Variants in MYO7A observed in about 807,000 individuals in gnomAD.
The protein encoded by MYO7A is unconventional myosin-VIIa.
In MYO7A, 210 loss-of-function variants were observed where a neutral mutation model predicts 263.8. That is an observed-to-expected ratio of 0.80 (90% CI 0.71 to 0.89). MYO7A has a LOEUF of 0.89. Ranked by LOEUF, MYO7A falls within the 40% of genes least tolerant of loss-of-function variation. MYO7A has a pLI of 0.00. For synonymous variants in MYO7A, 1,239 were observed against 1,197.3 expected, an observed-to-expected ratio of 1.03 and a Z score of -0.72; for missense variants, 2,820 against 2,968.3, an observed-to-expected ratio of 0.95 and a Z score of 1.16.
At chr11:77,150,957 G>A (rs1347471129) in intron 4 of MYO7A, among the ~76,000 whole-genome samples, 14 of 152,160 alleles carry the variant, frequency 9.2e-5, no homozygotes, top group African/African-American at 3.1e-4. Context: ...CATGGATTGG[G>A]TTACCCTGGG....
At chr11:77,210,525 G>A (rs1957794030) in intron 44 of MYO7A, among the ~76,000 whole-genome samples, 2 of 152,194 alleles carry the variant, frequency 1.3e-5, no homozygotes, top group Non-Finnish European at 2.9e-5. Flanking sequence ...TCAGATCTCT[G>A]ACTGACAATG....
At position 77,156,945 on chromosome 11, in the gene MYO7A, G is replaced by A. The variant is rs201753022; in HGVS notation, c.676G>A (p.Ala226Thr). 454 of 1,613,978 alleles carry A rather than the reference G, an allele frequency of 2.8e-4. No homozygotes were observed. The highest frequency in any genetic ancestry group is 1.1e-3 in the African/African-American group (83 of 75,074). Residue 226 changes from alanine (A) to threonine (T), a missense_variant, in exon 7 of 49, where the codon GCC becomes ACC. Coordinates refer to ENST00000409709, the MANE Select transcript of MYO7A (RefSeq NM_000260.4). Reference sequence around the variant, plus strand: ...CGACATCCACTTCAACAAGCGGGGCGCCATCGAGGGCGCGAAGATTGAGCA... The same window carrying A: ...CGACATCCACTTCAACAAGCGGGGCACCATCGAGGGCGCGAAGATTGAGCA... ...YIDIHFNKRG[A>T]IEGAKIEQYL...
At chr11:77,179,198 G>T in intron 20 of MYO7A, 69 bp downstream of exon 20, 1 of 1,360,434 alleles carries the variant, frequency 7.4e-7, no homozygotes, top group South Asian at 1.3e-5. Context: ...CATGGCAGTG[G>T]GACTGGCCTG....
intron 30 of MYO7A, among the ~76,000 whole-genome samples, chr11:77,191,467 G>T (rs1375456070): frequency 6.6e-6 from 1 of 152,224 alleles, no homozygotes; most frequent in Non-Finnish European, 1.5e-5. Flanking sequence ...TGATGGGAGG[G>T]CTGCGCAGCC....
rs757971917 is a variant in MYO7A, at chr11:77,199,613, C to G, written c.4647C>G (p.Thr1549=). 6.2e-7 allele frequency: 1 copy of G among 1,602,458 alleles called. No homozygotes were observed. The highest frequency in any genetic ancestry group is 8.5e-7 in the Non-Finnish European group (1 of 1,175,186). Residue 1549 remains threonine, a synonymous_variant, in exon 35 of 49, where the codon ACC becomes ACG. Coordinates refer to ENST00000409709, the MANE Select transcript of MYO7A (RefSeq NM_000260.4). ...CTCACTCAGGCTGGGCAGGACTGAC[C>G]CCGGCGGGGCCCTGTTCTCCGTGTT... ...AAPHSGWAGL[T]PAGPCSPCWS...
intron 9 of MYO7A, 28 bp from the exon 10 acceptor site, chr11:77,159,419 C>CA: frequency 6.5e-7 from 1 of 1,545,400 alleles, no homozygotes; most frequent in Non-Finnish European, 8.9e-7. Context: ...CCTCCCTCCC[C>CA]TGATGCTGTG....
intron 4 of MYO7A, among the ~76,000 whole-genome samples, chr11:77,155,180 GC>G (rs148780398): frequency 0.018 from 2,668 of 152,330 alleles, 75 homozygotes; most frequent in African/African-American, 0.062. Flanking sequence ...GTCCCCTGTG[GC>G]AGGACCTCAA....
At chr11:77,159,583 G>C in intron 10 of MYO7A, 60 bp downstream of exon 10, 1 of 1,534,850 alleles carries the variant, frequency 6.5e-7, no homozygotes, top group Non-Finnish European at 9.0e-7. Flanking sequence ...TTGAGTTTAA[G>C]CTCATTGGGG....
rs397516324 is a variant in MYO7A, at chr11:77,156,776, T to C, written c.587T>C (p.Leu196Pro). The C allele has an allele frequency of 6.2e-7, 1 of 1,613,956 alleles. No individual in the cohort carries two copies. Among genetic ancestry groups the C allele is most frequent in the Non-Finnish European group, 8.5e-7 (1 of 1,179,862 alleles). Reference sequence around the variant, plus strand: ...CAGGTCTTGGAGGCCACCCCCATTCTGGAAGGTAGGACCAGAGTTCCGAGG... The same window carrying C: ...CAGGTCTTGGAGGCCACCCCCATTCCGGAAGGTAGGACCAGAGTTCCGAGG... ...EQQVLEATPILEAFGNAKTIR... is the reference protein window; with the variant it reads ...EQQVLEATPIPEAFGNAKTIR... The change falls in exon 6 of 49, where the codon CTG becomes CCG. Residue 196 changes from leucine (L) to proline (P), a missense_variant. Coordinates refer to ENST00000409709, the MANE Select transcript of MYO7A (RefSeq NM_000260.4).
rs111033476 is a variant in MYO7A, at chr11:77,207,381, C to T, written c.5835C>T (p.Leu1945=). The T allele has an allele frequency of 6.9e-4, 1,109 of 1,609,666 alleles. 4 individuals are homozygous for T. The African/African-American group carries it at 0.014, about 20-fold the overall frequency. ...LLLKSSEGFS[L]FVKIADKVLS... is the part of the protein sequence containing the mutation. ...TCAAGTCCTCAGAGGGATTCAGCCT[C>T]TTTGTCAAAATTGCAGACAAGGTGG... Residue 1945 remains leucine (L), a synonymous_variant, in exon 42 of 49, where the codon CTC becomes CTT. Coordinates refer to ENST00000409709, the MANE Select transcript of MYO7A (RefSeq NM_000260.4).
chr11:77,180,237 T>C, intron 21 of MYO7A, 137 bp from the exon 22 acceptor site: 1 of 542,430 alleles, frequency 1.8e-6, no homozygotes, highest in Non-Finnish European at 3.0e-6. Flanking sequence ...ACCTAGAGAA[T>C]TTCTTGATTA....
In MYO7A at chr11:77,190,808, G is replaced by C. The variant is rs749747871; in HGVS notation, c.3862G>C (p.Ala1288Pro). ...GGCCAAGGAGCTCTGCAACGCGCTG[G>C]CCGACAAGATCTCTCTCAAGGACCG... is the stretch of plus-strand genomic sequence containing the variant. ...TTAKELCNAL[A>P]DKISLKDRFG... is the part of the protein sequence containing the mutation. Residue 1288 changes from alanine (A) to proline (P), a missense_variant, in exon 30 of 49, where the codon GCC (alanine) becomes CCC (proline). Coordinates refer to ENST00000409709, the MANE Select transcript of MYO7A (RefSeq NM_000260.4). 48 of 1,591,784 alleles carry C rather than the reference G, an allele frequency of 3.0e-5. No homozygotes were observed. The highest frequency in any genetic ancestry group is 4.0e-5 in the Non-Finnish European group (47 of 1,169,706).
chr11:77,162,431 A>T, intron 13 of MYO7A, 101 bp downstream of exon 13: 1 of 1,153,538 alleles, frequency 8.7e-7, no homozygotes, highest in Non-Finnish European at 1.3e-6. Context: ...AGGACTAATG[A>T]TACCCACCTC....
chr11:77,196,810 A>G (rs528212210), intron 32 of MYO7A, among the ~76,000 whole-genome samples: 13 of 152,198 alleles, frequency 8.5e-5, no homozygotes, highest in Admixed American at 5.2e-4. Flanking sequence ...CATTCTATAA[A>G]AACCAGGATT....
At position 77,163,001 on chromosome 11, in the gene MYO7A, G is replaced by A; in HGVS notation, c.1690+13G>A. The stretch of plus-strand genomic sequence containing the variant: ...TATGAGACCCAAGGTACAGAGGGCT[G>A]CCGGCTGTCTGTCACTCCCTGCCCG... On this transcript the variant is annotated intron_variant, in intron 14 of 48. Transcript: ENST00000409709. The A allele has an allele frequency of 1.9e-6, 3 of 1,612,790 alleles. No homozygotes were observed. Among genetic ancestry groups the A allele is most frequent in the South Asian group, 2.2e-5 (2 of 90,914 alleles).
At chr11:77,163,062 G>GC in intron 14 of MYO7A, 74 bp downstream of exon 14, 2 of 1,524,314 alleles carry the variant, frequency 1.3e-6, no homozygotes, top group Non-Finnish European at 1.8e-6. Context: ...CCAGGAATAA[G>GC]ATATCCGGAA....
In MYO7A at chr11:77,162,871, T is replaced by C. The variant is rs1555070059; in HGVS notation, c.1573T>C (p.Leu525=). 6.2e-7 allele frequency: 1 copy of C among 1,613,500 alleles called. No homozygotes were observed. Among genetic ancestry groups the C allele is most frequent in the Non-Finnish European group, 8.5e-7 (1 of 1,179,808 alleles). The change falls in exon 14 of 49, where the codon TTA becomes CTA. Residue 525 remains leucine, a synonymous_variant. Coordinates refer to ENST00000409709, the MANE Select transcript of MYO7A (RefSeq NM_000260.4). The part of the protein sequence containing the change: ...KFPKGTDTTM[L]HKLNSQHKLN... ...TCCCCAGGGCACAGACACCACCATG[T>C]TACACAAGCTGAACTCCCAGCACAA... is the stretch of plus-strand genomic sequence containing the variant.
chr11:77,172,990 C>A, intron 16 of MYO7A, 105 bp downstream of exon 16: 1 of 1,428,110 alleles, frequency 7.0e-7, no homozygotes, highest in Non-Finnish European at 9.3e-7. Context: ...GACTTTGTCC[C>A]TTTGGGGAAT....
chr11:77,181,553 G>T lies in MYO7A; in HGVS notation c.2868G>T (p.Leu956=). ...GCTTCCTGGGGACTTCAGGTGGCCT[G>T]CCAGGCCAGGAGGGCCAGGCACCTA... ...MFGFLGTSGG[L]PGQEGQAPSG... Residue 956 remains leucine (L), a synonymous_variant, in exon 23 of 49, where the codon CTG becomes CTT. Transcript: ENST00000409709. 6.2e-7 allele frequency: 1 copy of T among 1,613,392 alleles called. No homozygotes were observed. The highest frequency in any genetic ancestry group is 8.5e-7 in the Non-Finnish European group (1 of 1,179,870).
Sources: gnomAD v4.1 joint callset for allele counts (sites outside exome capture counted in the v4.1 genomes callset) on GRCh38, gnomAD v4.1.1 for gene constraint, MANE v1.5 for transcripts, NCBI Gene and HGNC (gene_info 2026-07-23, HGNC 2026-07-21) for gene names.